The following NTM variants were observed in gnomAD, a reference collection of about 807,000 sequenced individuals.
NTM encodes neurotrimin, also known as IgLON family member 2.
Under a neutral mutation model 42.1 loss-of-function variants are expected in NTM, and 13 were observed. That is an observed-to-expected ratio of 0.31 (90% CI 0.20 to 0.49). NTM has a LOEUF of 0.49. Among genes scored for constraint, NTM ranks in the 20% least tolerant of loss-of-function variants. The probability of loss-of-function intolerance (pLI) is 0.99; values close to 1 mark genes in which losing one functional copy is unlikely to be tolerated. For missense variants in NTM, 373 were observed against 452.8 expected (o/e 0.82, Z 1.60); for synonymous variants, 187 against 179.2 (o/e 1.04, Z -0.35).
At chr11:131,950,705 T>A (rs886303352) in intron 2 of NTM, among the ~76,000 whole-genome samples, 4 of 152,218 alleles carry the variant, frequency 2.6e-5, no homozygotes, top group African/African-American at 9.7e-5. Flanking sequence ...TTAGATACTG[T>A]ATATAGACTG....
chr11:131,435,226 T>C (rs1455254079), intron 1 of NTM, among the ~76,000 whole-genome samples: 2 of 152,344 alleles, frequency 1.3e-5, no homozygotes, highest in Non-Finnish European at 2.9e-5. Flanking sequence ...GGTAGTGTGA[T>C]GCCTCCAGCT....
At chr11:132,217,209 G>A (rs1216212011) in intron 4 of NTM, among the ~76,000 whole-genome samples, 2 of 152,066 alleles carry the variant, frequency 1.3e-5, no homozygotes, top group Admixed American at 6.5e-5. Context: ...ATATCACCTG[G>A]GGGATTATTT....
chr11:132,274,321 C>T (rs2093624989), intron 4 of NTM, among the ~76,000 whole-genome samples: 1 of 151,780 alleles, frequency 6.6e-6, no homozygotes. Flanking sequence ...TTTAAGGTCA[C>T]TCTCTTTTTT....
At chr11:132,195,761 G>T (rs1190048549) in intron 3 of NTM, among the ~76,000 whole-genome samples, 1 of 152,190 alleles carries the variant, frequency 6.6e-6, no homozygotes, top group Non-Finnish European at 1.5e-5. Context: ...TTATGCAGAA[G>T]ATTGAAACTG....
Position 132,162,188 on chromosome 11 carries a change from A to G in NTM, c.400+15674A>G, listed in dbSNP as rs202097689. ...AGTAGGGTATTTGTGTTTTGGGGGG[A>G]GTGTGTATGTGGGGGAAGATGTGTA... On this transcript the variant is annotated intron_variant, in intron 3 of 8. Coordinates refer to ENST00000683400, the MANE Select transcript of NTM (RefSeq NM_001352005.2). Among the ~76,000 whole-genome samples the G allele has an allele frequency of 3.3e-5, 5 of 150,254 alleles. No individual in the cohort carries two copies. The South Asian group carries it at 6.3e-4, about 19-fold the overall frequency.
intron 1 of NTM, among the ~76,000 whole-genome samples, chr11:131,643,671 A>G (rs1172418075): frequency 6.6e-6 from 1 of 152,054 alleles, no homozygotes; most frequent in African/African-American, 2.4e-5. Context: ...CATCCATTCA[A>G]CTGTTTAAAA....
chr11:131,878,520 A>AT (rs1405856285), intron 1 of NTM, among the ~76,000 whole-genome samples: 2 of 140,462 alleles, frequency 1.4e-5, no homozygotes, highest in Admixed American at 7.4e-5. Flanking sequence ...CAGTGACCCG[A>AT]GATGGCACCG....
intron 4 of NTM, among the ~76,000 whole-genome samples, chr11:132,295,106 G>C (rs2094566284): frequency 6.6e-6 from 1 of 151,394 alleles, no homozygotes; most frequent in Non-Finnish European, 1.5e-5. Context: ...CATGAATCCA[G>C]CCCTCTCTCT....
chr11:131,852,369 A>G (rs2045652919), intron 1 of NTM, among the ~76,000 whole-genome samples: 1 of 152,240 alleles, frequency 6.6e-6, no homozygotes, highest in Non-Finnish European at 1.5e-5. Context: ...AGAGGCTCCC[A>G]CACACTTAAC....
At chr11:131,638,839 G>GTA (rs939984374) in intron 1 of NTM, among the ~76,000 whole-genome samples, 1 of 151,246 alleles carries the variant, frequency 6.6e-6, no homozygotes, top group Admixed American at 6.6e-5. Flanking sequence ...AATAGAAACA[G>GTA]TATACTTCTC....
chr11:132,046,132 T>C (rs767506164), intron 2 of NTM, among the ~76,000 whole-genome samples: 2 of 152,130 alleles, frequency 1.3e-5, no homozygotes, highest in African/African-American at 2.4e-5. Context: ...ATAATAATAG[T>C]GCTTACTTCC....
intron 1 of NTM, among the ~76,000 whole-genome samples, chr11:131,470,603 A>T (rs991988083): frequency 1.1e-4 from 16 of 152,132 alleles, no homozygotes; most frequent in Admixed American, 6.5e-5. Context: ...ATCCTGGCCA[A>T]TGGGGACCAG....
intron 1 of NTM, among the ~76,000 whole-genome samples, chr11:131,603,681 C>T (rs2060677785): frequency 1.3e-5 from 2 of 152,188 alleles, no homozygotes; most frequent in South Asian, 4.1e-4. Flanking sequence ...AACAAGCACT[C>T]TTGACATTGT....
At chr11:131,445,723 T>A (rs1950006051) in intron 1 of NTM, among the ~76,000 whole-genome samples, 1 of 152,164 alleles carries the variant, frequency 6.6e-6, no homozygotes, top group African/African-American at 2.4e-5. Context: ...CAAGATGAGA[T>A]TTATCCAAGT....
At chr11:132,334,851 C>A in intron 8 of NTM, 195 bp from the exon 9 acceptor site, 1 of 451,062 alleles carries the variant, frequency 2.2e-6, no homozygotes, top group Non-Finnish European at 2.9e-6. Flanking sequence ...GAAGGCTTCC[C>A]GTTATCTAGT....
At chr11:131,721,012 G>T (rs2078264474) in intron 1 of NTM, among the ~76,000 whole-genome samples, 1 of 151,986 alleles carries the variant, frequency 6.6e-6, no homozygotes, top group South Asian at 2.1e-4. Context: ...CTTATCTAGA[G>T]TTAATGGGGA....
chr11:132,225,401 G>C (rs2086011918), intron 4 of NTM, among the ~76,000 whole-genome samples: 1 of 152,164 alleles, frequency 6.6e-6, no homozygotes, highest in South Asian at 2.1e-4. Flanking sequence ...GCTCAGCACA[G>C]AGCCTAGAGA....
At position 132,082,670 on chromosome 11, in the gene NTM, C is replaced by T. The variant is rs2059235642; in HGVS notation, c.168-63612C>T. Among the ~76,000 whole-genome samples, 2 of 152,132 alleles carry T rather than the reference C, an allele frequency of 1.3e-5. 1 individual carries two copies. The highest frequency in any genetic ancestry group is 4.1e-4 in the South Asian group (2 of 4,826). On this transcript the variant is annotated intron_variant, in intron 2 of 8. Coordinates refer to ENST00000683400, the MANE Select transcript of NTM (RefSeq NM_001352005.2). The stretch of plus-strand genomic sequence containing the variant: ...CCCCCATGTAAAGAAGTACATATAA[C>T]TGCTGTTAGAATAAGGACAAGGATG...
intron 1 of NTM, among the ~76,000 whole-genome samples, chr11:131,634,399 A>G (rs371695212): frequency 0.25 from 17,791 of 71,164 alleles, 1,472 homozygotes; most frequent in Non-Finnish European, 0.38. Context: ...GCCCCCTGGA[A>G]AAAAAAAAAA....
Sources: gnomAD v4.1 joint callset for allele counts (sites outside exome capture counted in the v4.1 genomes callset) on GRCh38, gnomAD v4.1.1 for gene constraint, MANE v1.5 for transcripts, NCBI Gene and HGNC (gene_info 2026-07-23, HGNC 2026-07-21) for gene names.